ABCA13: variants seen among roughly 807,000 people sequenced by gnomAD.
ABCA13 encodes ATP-binding cassette sub-family A member 13.
ABCA13 carries 476 observed loss-of-function variants against 478.7 expected under a neutral mutation model. That is an observed-to-expected ratio of 0.99 (90% CI 0.92 to 1.07). The LOEUF is 1.07. Among genes scored for constraint, ABCA13 ranks in the 50% least tolerant of loss-of-function variants. ABCA13 has a pLI of 0.00. For synonymous variants in ABCA13, 2,252 were observed against 2,158.9 expected, an observed-to-expected ratio of 1.04 and a Z score of -1.20; for missense variants, 6,060 against 5,910.6, an observed-to-expected ratio of 1.03 and a Z score of -0.83.
At chr7:48,568,156 A>G (rs542053342) in intron 55 of ABCA13, among the ~76,000 whole-genome samples, 32 of 152,220 alleles carry the variant, frequency 2.1e-4, no homozygotes, top group Middle Eastern at 3.4e-3. Flanking sequence ...TTGAAAAGAA[A>G]CCCTATACCA....
At chr7:48,459,451 C>G (rs544173502) in intron 43 of ABCA13, among the ~76,000 whole-genome samples, 1 of 152,288 alleles carries the variant, frequency 6.6e-6, no homozygotes, top group African/African-American at 2.4e-5. Flanking sequence ...CCTTCCTCTC[C>G]TCAGTCCTCT....
chr7:48,529,722 C>T (rs1486123044), intron 55 of ABCA13, among the ~76,000 whole-genome samples: 1 of 152,000 alleles, frequency 6.6e-6, no homozygotes, highest in Non-Finnish European at 1.5e-5. Flanking sequence ...CTTTATGTTG[C>T]ATTTATAAAT....
At chr7:48,221,167 T>C in intron 4 of ABCA13, 114 bp from the exon 5 acceptor site, 1 of 549,964 alleles carries the variant, frequency 1.8e-6, no homozygotes. Context: ...GTATTTGATT[T>C]TTGGGCCAGG....
rs1426735529 is a variant in ABCA13, at chr7:48,317,438, G to A, written c.9999+142G>A. ...TTGAATCTACTTCATTTTAGCCTGA[G>A]TGTTTTTCCTGTCATTGTTATTGTT... On this transcript the variant is annotated intron_variant, in intron 27 of 61. Transcript: ENST00000435803. 3 of 1,005,394 alleles carry A rather than the reference G, an allele frequency of 3.0e-6. No individual in the cohort carries two copies. The African/African-American group carries it at 5.1e-5, about 17-fold the overall frequency. 62.3% of individuals were successfully genotyped at this position (1,005,394 alleles called of 1,614,324 possible).
chr7:48,405,850 AT>A (rs11340788), intron 39 of ABCA13, among the ~76,000 whole-genome samples: 42,075 of 151,988 alleles, frequency 0.28, 6,128 homozygotes, highest in Admixed American at 0.29. Context: ...TTGTTTAGCA[AT>A]TTTTTTTGTC....
At chr7:48,255,130 T>C (rs910835572) in intron 15 of ABCA13, among the ~76,000 whole-genome samples, 10 of 152,176 alleles carry the variant, frequency 6.6e-5, no homozygotes, top group East Asian at 1.9e-4. Flanking sequence ...GAAATTTTTT[T>C]CCAATTTAGA....
chr7:48,311,199 G>T (rs886556608), intron 24 of ABCA13, among the ~76,000 whole-genome samples: 6 of 152,014 alleles, frequency 3.9e-5, no homozygotes, highest in Non-Finnish European at 8.8e-5. Context: ...TTTCAGCCAC[G>T]CATGATTTCC....
intron 15 of ABCA13, among the ~76,000 whole-genome samples, chr7:48,262,001 T>C (rs558244977): frequency 1.3e-5 from 2 of 152,040 alleles, no homozygotes; most frequent in Non-Finnish European, 2.9e-5. Context: ...TTCTTTTAGG[T>C]GGTTCAATTT....
intron 41 of ABCA13, among the ~76,000 whole-genome samples, chr7:48,426,171 T>C (rs1393680915): frequency 1.3e-5 from 2 of 152,218 alleles, no homozygotes; most frequent in African/African-American, 2.4e-5. Context: ...TTATTTGCAA[T>C]AGTAGTGAGG....
chr7:48,526,076 G>GTAGGACA (rs1832873987), intron 54 of ABCA13, among the ~76,000 whole-genome samples: 1 of 152,100 alleles, frequency 6.6e-6, no homozygotes, highest in Non-Finnish European at 1.5e-5. Context: ...GTCAAACAAG[G>GTAGGACA]TAGGACAGAT....
rs574276560 is a variant in ABCA13, at chr7:48,313,154, C to A, written c.9604C>A (p.His3202Asn). 1.7e-5 allele frequency: 28 copies of A among 1,613,072 alleles called. No individual in the cohort carries two copies. In the African/African-American group the frequency reaches 3.3e-4, roughly 19 times the overall value. The stretch of plus-strand genomic sequence containing the variant: ...CAGCGCCTTGCTTGCCAAAGCCCAG[C>A]ACGTCTTTGAGTATCTTCCTGAGTT... ...SLSALLAKAQ[H>N]VFEYLPEFLH... The change falls in exon 25 of 62, where the codon CAC becomes AAC. Residue 3202 changes from histidine (H) to asparagine (N), a missense_variant. His to Asn is a moderately conservative substitution (Grantham distance 68). Coordinates refer to ENST00000435803, the MANE Select transcript of ABCA13 (RefSeq NM_152701.5).
Position 48,273,199 on chromosome 7 carries a change from G to A in ABCA13, c.3533G>A (p.Gly1178Asp), listed in dbSNP as rs1252898063. ...AATGTTTTCACATCTCTTCATCATG[G>A]TTTCACTCAGCTTTTGGATGAATTG... ...DMNVFTSLHH[G>D]FTQLLDELED... Residue 1178 changes from glycine to aspartate, a missense_variant, in exon 17 of 62, where the codon GGT (glycine) becomes GAT (aspartate). Gly to Asp is a moderately conservative substitution (Grantham distance 94). Around this residue, in one of 3 missense-constraint regions of ABCA13, gnomAD observed 4,423 missense variants for 4,309.1 expected, o/e 1.03. Coordinates refer to ENST00000435803, the MANE Select transcript of ABCA13 (RefSeq NM_152701.5). 5 of 1,613,572 alleles carry A rather than the reference G, an allele frequency of 3.1e-6. No individual in the cohort carries two copies. Among genetic ancestry groups the A allele is most frequent in the Middle Eastern group, 1.6e-4 (1 of 6,062 alleles).
chr7:48,194,376 G>T (rs867890790), intron 2 of ABCA13, among the ~76,000 whole-genome samples: 2 of 151,674 alleles, frequency 1.3e-5, no homozygotes, highest in Middle Eastern at 3.2e-3. Context: ...TAGTGATGAT[G>T]GTGTTGTTGG....
chr7:48,338,532 C>A, intron 29 of ABCA13, 77 bp downstream of exon 29: 1 of 1,089,900 alleles, frequency 9.2e-7, no homozygotes, highest in Non-Finnish European at 1.3e-6. Flanking sequence ...CCCCCTTGGG[C>A]CATGGCATTG....
intron 29 of ABCA13, among the ~76,000 whole-genome samples, chr7:48,342,452 CA>C (rs1159667477): frequency 6.6e-6 from 1 of 152,128 alleles, no homozygotes; most frequent in Admixed American, 6.5e-5. Context: ...TTGTTTGAGA[CA>C]TTTATATTTT....
intron 35 of ABCA13, among the ~76,000 whole-genome samples, chr7:48,377,193 CAAAA>C (rs528881294): frequency 1.4e-5 from 1 of 73,838 alleles, no homozygotes. Context: ...TATCAATGGC[CAAAA>C]AAAAAAAAAA....
intron 43 of ABCA13, among the ~76,000 whole-genome samples, chr7:48,457,924 T>C (rs1221828723): frequency 1.3e-5 from 2 of 152,270 alleles, no homozygotes; most frequent in African/African-American, 4.8e-5. Flanking sequence ...TCTTGCTTTT[T>C]TGTTATTATC....
chr7:48,520,174 C>T lies in ABCA13; in HGVS notation c.13931C>T (p.Ser4644Phe), dbSNP rs762548276. 1 of 1,613,738 alleles carries T rather than the reference C, an allele frequency of 6.2e-7. No individual in the cohort carries two copies. The highest frequency in any genetic ancestry group is 8.5e-7 in the Non-Finnish European group (1 of 1,179,808). ...CTGACCCACAACTTCGGCATTGATT[C>T]CTATGTGAGTCCCTTTGAGATGAAC... ...YDLTHNFGID[S>F]YVSPFEMNFL... Residue 4644 changes from serine (S) to phenylalanine (F), a missense_variant, in exon 53 of 62, where the codon TCC becomes TTC. Transcript: ENST00000435803.
At chr7:48,448,794 A>G (rs1472241255) in intron 42 of ABCA13, among the ~76,000 whole-genome samples, 1 of 152,216 alleles carries the variant, frequency 6.6e-6, no homozygotes, top group Non-Finnish European at 1.5e-5. Flanking sequence ...TCTTTAAAGA[A>G]TTAGGCTTAA....
Sources: gnomAD v4.1 joint callset for allele counts (sites outside exome capture counted in the v4.1 genomes callset) on GRCh38, gnomAD v4.1.1 for gene constraint, gnomAD v4.1.1 regional missense constraint, MANE v1.5 for transcripts, NCBI Gene and HGNC (gene_info 2026-07-23, HGNC 2026-07-21) for gene names.